The following ITFG1 variants were observed in gnomAD, a reference collection of about 807,000 sequenced individuals.
ITFG1 encodes the protein T-cell immunomodulatory protein.
A neutral mutation model predicts 81.8 loss-of-function variants in ITFG1; 34 were observed. The ratio of observed to expected loss-of-function variants is 0.42; its 90% confidence interval spans 0.32 to 0.55. The LOEUF is 0.55. ITFG1 is among the 20% of genes least tolerant of loss of function. The pLI is 0.17. For missense variants in ITFG1, 672 were observed against 755.4 expected (o/e 0.89, Z 1.29); for synonymous variants, 285 against 270.6 (o/e 1.05, Z -0.52).
chr16:47,319,780 T>TCCA (rs1195924572), intron 8 of ITFG1, among the ~76,000 whole-genome samples: 2 of 152,196 alleles, frequency 1.3e-5, no homozygotes, highest in African/African-American at 4.8e-5. Flanking sequence ...AGCAGCTTTA[T>TCCA]CCACCATTGC....
intron 8 of ITFG1, among the ~76,000 whole-genome samples, chr16:47,349,235 T>A (rs1967910882): frequency 1.3e-5 from 2 of 152,192 alleles, no homozygotes; most frequent in South Asian, 2.1e-4. Flanking sequence ...GTAAATGGGC[T>A]AAATGCTCCA....
intron 12 of ITFG1, among the ~76,000 whole-genome samples, chr16:47,258,191 T>A (rs1823817860): frequency 6.6e-6 from 1 of 152,224 alleles, no homozygotes; most frequent in African/African-American, 2.4e-5. Context: ...ATGTGCTTCC[T>A]GATATGATGC....
intron 10 of ITFG1, 70 bp from the exon 11 acceptor site, chr16:47,260,765 C>T: frequency 6.7e-7 from 1 of 1,494,154 alleles, no homozygotes; most frequent in Middle Eastern, 1.7e-4. Flanking sequence ...TGTAGTATTT[C>T]CTAGATTAAA....
chr16:47,349,003 C>T (rs1361296356), intron 8 of ITFG1, among the ~76,000 whole-genome samples: 3 of 152,086 alleles, frequency 2.0e-5, no homozygotes, highest in Non-Finnish European at 4.4e-5. Flanking sequence ...TACAGACAAG[C>T]AAATGCTGAG....
chr16:47,285,553 TG>T (rs1207225736), intron 10 of ITFG1, among the ~76,000 whole-genome samples: 1 of 152,170 alleles, frequency 6.6e-6, no homozygotes, highest in East Asian at 1.9e-4. Flanking sequence ...TATGTGGCAG[TG>T]GTCTTGGGGA....
intron 10 of ITFG1, among the ~76,000 whole-genome samples, chr16:47,284,650 C>G (rs542295933): frequency 6.6e-6 from 1 of 152,268 alleles, no homozygotes; most frequent in African/African-American, 2.4e-5. Flanking sequence ...TCACCTTCCC[C>G]ACAACCACCC....
chr16:47,203,811 CT>C (rs1464788480), intron 14 of ITFG1, among the ~76,000 whole-genome samples: 2 of 152,116 alleles, frequency 1.3e-5, no homozygotes, highest in Non-Finnish European at 1.5e-5. Flanking sequence ...ATGGGCACCC[CT>C]GACCTAGAGT....
At chr16:47,224,618 C>T (rs983032039) in intron 13 of ITFG1, among the ~76,000 whole-genome samples, 5 of 151,962 alleles carry the variant, frequency 3.3e-5, no homozygotes, top group Admixed American at 2.6e-4. Context: ...GGGAAGATTT[C>T]TGGAGTTGAC....
At chr16:47,174,291 A>G (rs1165025006) in intron 14 of ITFG1, among the ~76,000 whole-genome samples, 1 of 152,174 alleles carries the variant, frequency 6.6e-6, no homozygotes, top group East Asian at 1.9e-4. Flanking sequence ...ACTAGATATG[A>G]AGTATTAGAT....
At chr16:47,415,207 G>C (rs1007478565) in intron 6 of ITFG1, among the ~76,000 whole-genome samples, 6 of 152,174 alleles carry the variant, frequency 3.9e-5, no homozygotes, top group Admixed American at 2.0e-4. Flanking sequence ...CCTCAATGCA[G>C]ATGCTTATTC....
At chr16:47,269,269 T>G (rs184734253) in intron 10 of ITFG1, among the ~76,000 whole-genome samples, 28 of 152,136 alleles carry the variant, frequency 1.8e-4, no homozygotes, top group African/African-American at 6.3e-4. Flanking sequence ...TCATATGAGA[T>G]CTAGGAAAAA....
At chr16:47,304,249 C>G (rs917509826) in intron 10 of ITFG1, among the ~76,000 whole-genome samples, 2 of 152,074 alleles carry the variant, frequency 1.3e-5, no homozygotes, top group Non-Finnish European at 2.9e-5. Flanking sequence ...AGCTTAATTA[C>G]AGGTTTCTTA....
intron 8 of ITFG1, among the ~76,000 whole-genome samples, chr16:47,351,399 C>T (rs1376687822): frequency 2.6e-5 from 4 of 152,140 alleles, no homozygotes; most frequent in Non-Finnish European, 5.9e-5. Context: ...AAATCACAAG[C>T]ATTCTTATAC....
At chr16:47,293,125 C>CATGATATATAATATATATCATATACA (rs1966930775) in intron 10 of ITFG1, among the ~76,000 whole-genome samples, 1 of 143,994 alleles carries the variant, frequency 6.9e-6, no homozygotes, top group African/African-American at 2.6e-5. Flanking sequence ...CATATACAAG[C>CATGATATATAATATATATCATATACA]ATGATATATA....
chr16:47,293,999 C>G (rs1273446558), intron 10 of ITFG1, among the ~76,000 whole-genome samples: 1 of 151,940 alleles, frequency 6.6e-6, no homozygotes, highest in East Asian at 1.9e-4. Context: ...TATTTCAGAT[C>G]TTATATTTCA....
chr16:47,162,423 A>T (rs930834244), intron 15 of ITFG1, 117 bp downstream of exon 15: 19 of 926,796 alleles, frequency 2.1e-5, no homozygotes, highest in Non-Finnish European at 2.8e-5. Context: ...AAAGGGAATA[A>T]AAATATTTGG....
chr16:47,246,849 C>T (rs1339876503), intron 12 of ITFG1, among the ~76,000 whole-genome samples: 1 of 152,182 alleles, frequency 6.6e-6, no homozygotes, highest in African/African-American at 2.4e-5. Flanking sequence ...GTTGCCCACG[C>T]TGAAATGCAG....
chr16:47,246,603 A>G (rs1966004745), intron 12 of ITFG1, among the ~76,000 whole-genome samples: 1 of 152,188 alleles, frequency 6.6e-6, no homozygotes, highest in Non-Finnish European at 1.5e-5. Flanking sequence ...TCCCAGTGAC[A>G]TCTATACGGC....
chr16:47,420,491 T>C (rs768943636), intron 6 of ITFG1, among the ~76,000 whole-genome samples: 1 of 152,198 alleles, frequency 6.6e-6, no homozygotes, highest in African/African-American at 2.4e-5. Context: ...AGAAAGCACG[T>C]TGACATCTGA....
Sources: allele counts gnomAD v4.1 joint callset (sites outside exome capture counted in the v4.1 genomes callset), GRCh38; gene constraint gnomAD v4.1.1; transcripts MANE v1.5; gene names NCBI Gene and HGNC (gene_info 2026-07-23, HGNC 2026-07-21).